DLGAP1: variants seen among roughly 807,000 people sequenced by gnomAD.
DLGAP1 encodes the protein DLG associated protein 1.
A neutral mutation model predicts 90.8 loss-of-function variants in DLGAP1; 11 were observed. The ratio of observed to expected loss-of-function variants is 0.12; its 90% CI spans 0.08 to 0.20. The LOEUF (loss-of-function observed/expected upper bound fraction) is 0.20. DLGAP1 is among the 10% of genes least tolerant of loss of function. The pLI is 1.00. For missense variants in DLGAP1, 1,050 were observed against 1,333.8 expected, an observed-to-expected ratio of 0.79 and a Z score of 3.31; for synonymous variants, 558 against 540.7, an observed-to-expected ratio of 1.03 and a Z score of -0.44.
intron 2 of DLGAP1, among the ~76,000 whole-genome samples, chr18:4,063,941 G>A (rs2075335979): frequency 2.0e-5 from 3 of 152,108 alleles, no homozygotes; most frequent in African/African-American, 7.2e-5. Context: ...GCAATTTTTA[G>A]TGAATCTTTA....
intron 1 of DLGAP1, among the ~76,000 whole-genome samples, chr18:4,168,129 A>G (rs2076961694): frequency 6.6e-6 from 1 of 152,184 alleles, no homozygotes; most frequent in Admixed American, 6.5e-5. Context: ...TGGAATAGCT[A>G]AAATAATCTT....
chr18:4,128,849 G>A (rs1446702890), intron 2 of DLGAP1, among the ~76,000 whole-genome samples: 3 of 152,096 alleles, frequency 2.0e-5, no homozygotes, highest in East Asian at 1.9e-4. Flanking sequence ...TGAAGATTAC[G>A]CTACTCTGAA....
intron 3 of DLGAP1, among the ~76,000 whole-genome samples, chr18:3,888,894 G>A (rs2071389519): frequency 6.6e-6 from 1 of 152,136 alleles, no homozygotes; most frequent in African/African-American, 2.4e-5. Flanking sequence ...GCTTCCTATG[G>A]AATTGTTCTT....
At chr18:4,357,197 A>G (rs1302692288) in intron 1 of DLGAP1, among the ~76,000 whole-genome samples, 1 of 119,192 alleles carries the variant, frequency 8.4e-6, no homozygotes, top group Non-Finnish European at 1.6e-5. Context: ...TCTGTGGCCC[A>G]GGCTAGAGTG....
rs2080374736 is a variant in DLGAP1 at position 4,310,572 on chromosome 18, T to G, written c.-267+144434A>C. Among the ~76,000 whole-genome samples the G allele has an allele frequency of 7.2e-5, 11 of 152,254 alleles. No individual in the cohort carries two copies. In the South Asian group the frequency reaches 2.3e-3, roughly 32 times the overall value. On this transcript the variant is annotated intron_variant, in intron 1 of 12. Transcript: ENST00000315677. ...TTTCCTACAACCTTGAACACATCTT[T>G]AGCACTGTGCTTTATCATAGTGTAC...
intron 5 of DLGAP1, among the ~76,000 whole-genome samples, chr18:3,757,530 A>G (rs1427623186): frequency 6.6e-6 from 1 of 152,226 alleles, no homozygotes; most frequent in Non-Finnish European, 1.5e-5. Context: ...ACAAAATACA[A>G]AAAGGATTAC....
Position 3,672,211 on chromosome 18 carries a change from C to A in DLGAP1, c.1591+56924G>T, listed in dbSNP as rs188444500. 2.8e-4 allele frequency among the ~76,000 whole-genome samples: 42 copies of A among 149,984 alleles called. 3 individuals carry two copies. The East Asian group carries it at 8.0e-3, about 29-fold the overall frequency. On this transcript the variant is annotated intron_variant, in intron 7 of 12. Transcript: ENST00000315677. ...TTCAACTGCTGATTAGACACACACACACACACACACACACACACACACACA... is the reference window on the plus strand; with the variant it reads ...TTCAACTGCTGATTAGACACACACAAACACACACACACACACACACACACA...
chr18:3,576,502 G>A (rs1343900186), intron 8 of DLGAP1, among the ~76,000 whole-genome samples: 1 of 151,120 alleles, frequency 6.6e-6, no homozygotes, highest in East Asian at 1.9e-4. Context: ...CTTGTGATCC[G>A]CCTGCCTTGA....
chr18:4,358,653 G>C (rs920650982), intron 1 of DLGAP1, among the ~76,000 whole-genome samples: 3 of 152,180 alleles, frequency 2.0e-5, no homozygotes, highest in Non-Finnish European at 4.4e-5. Flanking sequence ...TCTTGTTCTC[G>C]TGCCTTTGAT....
chr18:4,363,928 A>C (rs542135083), intron 1 of DLGAP1, among the ~76,000 whole-genome samples: 45 of 152,190 alleles, frequency 3.0e-4, no homozygotes, highest in African/African-American at 9.6e-4. Flanking sequence ...AGGACTATAA[A>C]TCATGCTGCT....
At chr18:3,671,139 C>A (rs1372835904) in intron 7 of DLGAP1, among the ~76,000 whole-genome samples, 1 of 151,452 alleles carries the variant, frequency 6.6e-6, no homozygotes, top group Middle Eastern at 3.2e-3. Context: ...TTTAATTACT[C>A]AAAATTTTAT....
At chr18:4,352,035 T>C (rs1209827445) in intron 1 of DLGAP1, among the ~76,000 whole-genome samples, 1 of 152,182 alleles carries the variant, frequency 6.6e-6, no homozygotes, top group Non-Finnish European at 1.5e-5. Flanking sequence ...AAGAAAAATA[T>C]TCACAGTACT....
At chr18:4,192,209 A>G (rs1217378304) in intron 1 of DLGAP1, among the ~76,000 whole-genome samples, 1 of 152,178 alleles carries the variant, frequency 6.6e-6, no homozygotes, top group Non-Finnish European at 1.5e-5. Flanking sequence ...TTATCCTCAG[A>G]AAAGCATTTA....
In DLGAP1 at chr18:3,580,192, G is replaced by A. The variant is rs1030456041; in HGVS notation, c.1965+1683C>T. 1.0e-5 allele frequency: 15 copies of A among 1,492,726 alleles called. No individual in the cohort carries two copies. The East Asian group carries it at 1.1e-4, about 11-fold the overall frequency. 92.5% of individuals were successfully genotyped at this position (1,492,726 alleles called of 1,614,324 possible). A position where few individuals can be genotyped will look rare whatever the true frequency, so the allele number is the denominator to read the frequency against. Reference sequence around the variant, plus strand: ...TCAGAAACCCTGATTTGAGCCAGACGTCCAAAGTCAAACCTCCGGGTGGAC... The same window carrying A: ...TCAGAAACCCTGATTTGAGCCAGACATCCAAAGTCAAACCTCCGGGTGGAC... On this transcript the variant is annotated intron_variant, in intron 8 of 12. Transcript: ENST00000315677.
At chr18:4,363,081 C>G (rs1462221947) in intron 1 of DLGAP1, among the ~76,000 whole-genome samples, 1 of 152,088 alleles carries the variant, frequency 6.6e-6, no homozygotes. Context: ...ACTTGGCATA[C>G]TGACCTAAGA....
intron 5 of DLGAP1, among the ~76,000 whole-genome samples, chr18:3,809,392 A>AAAAC (rs1008537153): frequency 1.4e-4 from 21 of 152,362 alleles, no homozygotes; most frequent in South Asian, 8.3e-4. Context: ...CAATTTATCT[A>AAAAC]AAACAAACAA....
Position 4,373,437 on chromosome 18 carries a change from C to T in DLGAP1, c.-267+81569G>A, listed in dbSNP as rs557985402. On this transcript the variant is annotated intron_variant, in intron 1 of 12. Coordinates refer to ENST00000315677, the MANE Select transcript of DLGAP1 (RefSeq NM_004746.4). ...TCAAAGGAAGCTCCTAGGATTCCAG[C>T]GTGGAGGAAAGGGAATCCAAGGATG... Among the ~76,000 whole-genome samples the T allele has an allele frequency of 1.1e-4, 16 of 152,258 alleles. No homozygotes were observed. In the East Asian group the frequency reaches 1.9e-3, roughly 18 times the overall value.
At chr18:3,874,436 T>C (rs970610570) in intron 4 of DLGAP1, 2 of 1,437,472 alleles carry the variant, frequency 1.4e-6, no homozygotes, top group Admixed American at 2.8e-5. Context: ...TCTAAAATCT[T>C]GCTCTTCTGA....
At chr18:3,880,235 G>A in intron 3 of DLGAP1, 95 bp from the exon 4 acceptor site, 1 of 652,966 alleles carries the variant, frequency 1.5e-6, no homozygotes, top group Non-Finnish European at 2.6e-6. Flanking sequence ...CCAGGCTAGA[G>A]TGCACAGGCG....
Sources: allele counts gnomAD v4.1 joint callset (sites outside exome capture counted in the v4.1 genomes callset), GRCh38; gene constraint gnomAD v4.1.1; transcripts MANE v1.5; gene names NCBI Gene and HGNC (gene_info 2026-07-23, HGNC 2026-07-21).